The following PDE3B variants were observed in gnomAD, a reference collection of about 807,000 sequenced individuals.
The protein encoded by PDE3B is phosphodiesterase 3B.
Under a neutral mutation model 116.8 loss-of-function variants are expected in PDE3B, and 66 were observed. The ratio of observed to expected loss-of-function variants is 0.56; its 90% confidence interval spans 0.46 to 0.69. PDE3B has a LOEUF of 0.69. PDE3B is among the 30% of genes least tolerant of loss of function. PDE3B has a pLI of 0.00. For missense variants in PDE3B, 1,384 were observed against 1,368.1 expected (o/e 1.01, Z -0.18); for synonymous variants, 595 against 533.6 (o/e 1.12, Z -1.59).
intron 1 of PDE3B, among the ~76,000 whole-genome samples, chr11:14,761,947 T>C (rs1403883535): frequency 1.3e-5 from 2 of 152,142 alleles, no homozygotes; most frequent in African/African-American, 4.8e-5. Context: ...TAAAGTCTAC[T>C]CTGATGCTTT....
the PDE3B span, among the ~76,000 whole-genome samples, chr11:14,881,540 T>A: frequency 6.6e-6 from 1 of 152,112 alleles, no homozygotes; most frequent in Non-Finnish European, 1.5e-5. Context: ...TTCACATTGA[T>A]AAGTGATTCC....
At chr11:14,761,659 A>G (rs1189606778) in intron 1 of PDE3B, among the ~76,000 whole-genome samples, 1 of 151,904 alleles carries the variant, frequency 6.6e-6, no homozygotes, top group Admixed American at 6.6e-5. Flanking sequence ...GGGGAATCTG[A>G]TTTTTTTTAA....
the PDE3B span, chr11:14,878,315 A>G: frequency 6.2e-7 from 1 of 1,611,912 alleles, no homozygotes; most frequent in South Asian, 1.1e-5. Context: ...GAAAAAGCAG[A>G]TACAATAATT....
intron 1 of PDE3B, among the ~76,000 whole-genome samples, chr11:14,743,382 A>C (rs1856821065): frequency 6.6e-6 from 1 of 152,138 alleles, no homozygotes; most frequent in African/African-American, 2.4e-5. Flanking sequence ...CGCCTACTCA[A>C]GTCTCAGTAA....
chr11:14,794,319 C>CT (rs11333119), intron 4 of PDE3B, among the ~76,000 whole-genome samples: 99 of 136,416 alleles, frequency 7.3e-4, no homozygotes, highest in Admixed American at 1.2e-3. Flanking sequence ...TTTTTCTTTT[C>CT]TTTTTTTTTT....
At chr11:14,650,229 TCTCA>T (rs1853534737) in intron 1 of PDE3B, among the ~76,000 whole-genome samples, 1 of 148,208 alleles carries the variant, frequency 6.7e-6, no homozygotes, top group Non-Finnish European at 1.5e-5. Flanking sequence ...TGAGACAGGG[TCTCA>T]CTCTGTTGCC....
intron 11 of PDE3B, among the ~76,000 whole-genome samples, chr11:14,840,156 G>T (rs570577739): frequency 6.6e-6 from 1 of 152,274 alleles, no homozygotes; most frequent in South Asian, 2.1e-4. Flanking sequence ...ACTGCCAAAA[G>T]AAAATGTCTT....
At position 14,706,513 on chromosome 11, in the gene PDE3B, G is replaced by T. The variant is rs566277237; in HGVS notation, c.978+61460G>T. Among the ~76,000 whole-genome samples, 3 of 151,858 alleles carry T rather than the reference G, an allele frequency of 2.0e-5. No homozygotes were observed. In the East Asian group the frequency reaches 5.8e-4, roughly 29 times the overall value. On this transcript the variant is annotated intron_variant, in intron 1 of 15. Transcript: ENST00000282096. ...AAATGAGGTAATGTATTTAAAGTGCGGGCACATAGTAACTACTCAATAATT... is the reference window on the plus strand; with the variant it reads ...AAATGAGGTAATGTATTTAAAGTGCTGGCACATAGTAACTACTCAATAATT...
downstream of PDE3B, among the ~76,000 whole-genome samples, chr11:14,876,959 T>C (rs781945332): frequency 2.6e-5 from 4 of 152,136 alleles, no homozygotes; most frequent in Non-Finnish European, 5.9e-5. Flanking sequence ...ACTCCTGATG[T>C]ATAACACACA....
the PDE3B span, chr11:14,890,859 T>C: frequency 3.0e-6 from 3 of 985,362 alleles, no homozygotes; most frequent in Non-Finnish European, 3.6e-6. Context: ...CCTAGACCAA[T>C]CCTTGTAAAA....
At chr11:14,792,163 G>C (rs1304577976) in intron 4 of PDE3B, among the ~76,000 whole-genome samples, 1 of 152,036 alleles carries the variant, frequency 6.6e-6, no homozygotes, top group Non-Finnish European at 1.5e-5. Flanking sequence ...CCTCATGACA[G>C]AGCTGCAGCC....
At chr11:14,669,178 C>G (rs1315041027) in intron 1 of PDE3B, among the ~76,000 whole-genome samples, 6 of 152,082 alleles carry the variant, frequency 3.9e-5, no homozygotes, top group Non-Finnish European at 4.4e-5. Flanking sequence ...TATAGAGATT[C>G]ATTTGAAAGA....
chr11:14,740,579 G>A (rs1276888260), intron 1 of PDE3B, among the ~76,000 whole-genome samples: 1 of 152,164 alleles, frequency 6.6e-6, no homozygotes, highest in Non-Finnish European at 1.5e-5. Flanking sequence ...TTTTTTGAAA[G>A]ATTTTTTGTG....
intron 1 of PDE3B, among the ~76,000 whole-genome samples, chr11:14,651,228 A>G (rs1401243723): frequency 3.3e-5 from 5 of 152,098 alleles, no homozygotes; most frequent in African/African-American, 4.8e-5. Context: ...CTCATTCTTC[A>G]TCTTCGCATG....
intron 12 of PDE3B, among the ~76,000 whole-genome samples, chr11:14,849,673 C>T (rs996436949): frequency 8.5e-5 from 13 of 152,070 alleles, no homozygotes; most frequent in African/African-American, 2.7e-4. Context: ...AACAAGTGGG[C>T]GAAGGACATG....
intron 1 of PDE3B, among the ~76,000 whole-genome samples, chr11:14,668,766 T>A (rs1420511111): frequency 6.6e-6 from 1 of 152,184 alleles, no homozygotes; most frequent in African/African-American, 2.4e-5. Flanking sequence ...AACCAGCTTA[T>A]TCGTTTAGAT....
At position 14,661,214 on chromosome 11, in the gene PDE3B, G is replaced by A. The variant is rs1322256724; in HGVS notation, c.978+16161G>A. On this transcript the variant is annotated intron_variant, in intron 1 of 15. Transcript: ENST00000282096. ...AAATCATGCTGCTATAAAGACACATGCACACATATGTTTATTGTGGCAGTA... is the reference window on the plus strand; with the variant it reads ...AAATCATGCTGCTATAAAGACACATACACACATATGTTTATTGTGGCAGTA... Among the ~76,000 whole-genome samples, 5 of 152,220 alleles carry A rather than the reference G, an allele frequency of 3.3e-5. No individual in the cohort carries two copies. In the South Asian group the frequency reaches 1.0e-3, roughly 32 times the overall value.
At chr11:14,898,420 G>T in the PDE3B span, among the ~76,000 whole-genome samples, 1 of 152,242 alleles carries the variant, frequency 6.6e-6, no homozygotes, top group East Asian at 1.9e-4. Flanking sequence ...TCCTGATTAT[G>T]CCTCACACCA....
intron 1 of PDE3B, among the ~76,000 whole-genome samples, chr11:14,649,769 A>T: frequency 6.6e-6 from 1 of 152,206 alleles, no homozygotes; most frequent in East Asian, 1.9e-4. Flanking sequence ...CATTTATTTT[A>T]TATGTTGAAG....
Sources: allele counts gnomAD v4.1 joint callset (sites outside exome capture counted in the v4.1 genomes callset), GRCh38; gene constraint gnomAD v4.1.1; transcripts MANE v1.5; gene names NCBI Gene and HGNC (gene_info 2026-07-23, HGNC 2026-07-21).